The following SMAD2 variants were observed in gnomAD, a reference collection of about 807,000 sequenced individuals.
SMAD2 encodes SMAD family member 2.
Under a neutral mutation model 64.4 loss-of-function variants are expected in SMAD2, and 8 were observed. The ratio of observed to expected loss-of-function variants is 0.12; its 90% confidence interval spans 0.07 to 0.22. SMAD2 has a LOEUF of 0.22. Among genes scored for constraint, SMAD2 ranks in the 10% least tolerant of loss-of-function variants. The pLI is 1.00. For missense variants in SMAD2, 289 were observed against 561.2 expected, an observed-to-expected ratio of 0.51 and a Z score of 4.90; for synonymous variants, 203 against 195.8, an observed-to-expected ratio of 1.04 and a Z score of -0.31.
chr18:47,863,055 C>T (rs2031303763), intron 6 of SMAD2, among the ~76,000 whole-genome samples: 2 of 151,910 alleles, frequency 1.3e-5, no homozygotes, highest in South Asian at 4.1e-4. Context: ...AATTTATCCT[C>T]TGGTTGCCCT....
At position 47,868,391 on chromosome 18, in the gene SMAD2, T is replaced by C. The variant is rs2031718183; in HGVS notation, c.587A>G (p.Tyr196Cys). 5 of 1,609,602 alleles carry C rather than the reference T, an allele frequency of 3.1e-6. No homozygotes were observed. The highest frequency in any genetic ancestry group is 1.1e-5 in the South Asian group (1 of 90,978). ...ILTELPPLDD[Y>C]THSIPENTNF... ...AGTGTTTTCTGGAATGGAGTGAGTA[T>C]AGTCATCCAGAGGCGGAAGTTCTGT... Residue 196 changes from tyrosine to cysteine, a missense_variant, in exon 5 of 11, where the codon TAT becomes TGT. By Grantham distance (194) the Tyr-to-Cys change is radical. This residue lies in a region of SMAD2 where 119 missense variants were observed against 156.7 expected (regional missense o/e 0.76). Coordinates refer to ENST00000262160, the MANE Select transcript of SMAD2 (RefSeq NM_005901.6).
rs766585506 is a variant in SMAD2 at position 47,870,460 on chromosome 18, G to A, written c.326+15C>T. The A allele has an allele frequency of 6.3e-7, 1 of 1,580,776 alleles. No homozygotes were observed. Among genetic ancestry groups the A allele is most frequent in the Non-Finnish European group, 8.7e-7 (1 of 1,149,772 alleles). On this transcript the variant is annotated intron_variant, in intron 3 of 10. Coordinates refer to ENST00000262160, the MANE Select transcript of SMAD2 (RefSeq NM_005901.6). ...CACAAGATCTCTAAGATTCGACAGA[G>A]GGCAGAATATTCACCTGGTTTGTTC...
rs1277276283 is a variant in SMAD2, at chr18:47,819,375, C to T, written c.*22452G>A. ...GTCCTCTGAGTTACTGGCAAAATAC[C>T]TACATATTTCATTTTTATGGTTCTT... On this transcript the variant is annotated 3_prime_UTR_variant, in exon 11 of 11. Transcript: ENST00000262160. The T allele has an allele frequency of 6.6e-6, 1 of 152,110 alleles. No individual in the cohort carries two copies. The highest frequency in any genetic ancestry group is 2.4e-5 in the African/African-American group (1 of 41,410). 9.4% of individuals were successfully genotyped at this position (152,110 alleles called of 1,614,324 possible).
intron 6 of SMAD2, among the ~76,000 whole-genome samples, chr18:47,862,739 A>G (rs912161361): frequency 1.3e-5 from 2 of 152,240 alleles, no homozygotes; most frequent in Non-Finnish European, 2.9e-5. Context: ...TCTTGGACCA[A>G]GCACAGTGTA....
chr18:47,841,701 G>A lies in SMAD2; in HGVS notation c.*126C>T, dbSNP rs1364519937. The A allele has an allele frequency of 9.9e-7, 1 of 1,009,356 alleles. No homozygotes were observed. Among genetic ancestry groups the A allele is most frequent in the African/African-American group, 1.6e-5 (1 of 62,986 alleles). 62.5% of individuals were successfully genotyped at this position (1,009,356 alleles called of 1,614,324 possible). A position where few individuals can be genotyped will look rare whatever the true frequency, so the allele number is the denominator to read the frequency against. On this transcript the variant is annotated 3_prime_UTR_variant, in exon 11 of 11. Transcript: ENST00000262160. Reference sequence around the variant, plus strand: ...GATTCCACAAGGTGCTTTAATTGATGAGACCTCAAGTGCTGTTTTCTCTCT... The same window carrying A: ...GATTCCACAAGGTGCTTTAATTGATAAGACCTCAAGTGCTGTTTTCTCTCT...
At chr18:47,866,260 G>T (rs1039390156) in intron 5 of SMAD2, among the ~76,000 whole-genome samples, 2 of 126,052 alleles carry the variant, frequency 1.6e-5, no homozygotes, top group Admixed American at 9.5e-5. Flanking sequence ...AGGCTGCGGT[G>T]AGCCGAGATC....
chr18:47,897,319 GCAAA>G lies in SMAD2; in HGVS notation c.-53-514_-53-511del, dbSNP rs568200876. Among the ~76,000 whole-genome samples the G allele has an allele frequency of 3.0e-4, 45 of 152,310 alleles. No homozygotes were observed. The South Asian group carries it at 8.7e-3, about 29-fold the overall frequency. On this transcript the variant is annotated intron_variant, in intron 1 of 10. Transcript: ENST00000262160. ...AATCAAGAATAAAGAAATAAACATG[GCAAA>G]CAGAGTCCGTGGAGAAAAGCTGTAG...
intron 2 of SMAD2, among the ~76,000 whole-genome samples, chr18:47,888,559 C>T (rs1197519556): frequency 6.6e-6 from 1 of 152,166 alleles, no homozygotes; most frequent in East Asian, 1.9e-4. Context: ...AGCTTTCAAT[C>T]AAAATCCCTG....
intron 8 of SMAD2, among the ~76,000 whole-genome samples, chr18:47,847,995 T>C (rs1164313151): frequency 1.3e-5 from 2 of 152,148 alleles, no homozygotes; most frequent in South Asian, 2.1e-4. Flanking sequence ...TTTTGAACTA[T>C]ATTAAATGCA....
At position 47,816,477 on chromosome 18, in the gene SMAD2, A is replaced by C. The variant is rs982937623; in HGVS notation, c.*25350T>G. The C allele has an allele frequency of 1.3e-5, 2 of 152,216 alleles. No individual in the cohort carries two copies. The highest frequency in any genetic ancestry group is 1.3e-4 in the Admixed American group (2 of 15,282). 9.4% of individuals were successfully genotyped at this position (152,216 alleles called of 1,614,324 possible). ...TATTTTAATGTAATATTGCTGACTA[A>C]TTTGGCACATTTAATACACGTCCAA... On this transcript the variant is annotated 3_prime_UTR_variant, in exon 11 of 11. Coordinates refer to ENST00000262160, the MANE Select transcript of SMAD2 (RefSeq NM_005901.6).
intron 2 of SMAD2, among the ~76,000 whole-genome samples, chr18:47,886,636 T>G (rs927547997): frequency 6.6e-6 from 1 of 151,596 alleles, no homozygotes; most frequent in Admixed American, 6.6e-5. Context: ...TAAGCAAAGT[T>G]CTAAAAGACA....
intron 1 of SMAD2, among the ~76,000 whole-genome samples, chr18:47,915,954 T>C (rs2034318470): frequency 6.6e-6 from 1 of 152,224 alleles, no homozygotes; most frequent in Non-Finnish European, 1.5e-5. Context: ...TTGTATTCAT[T>C]TCCTAAGAAT....
intron 1 of SMAD2, among the ~76,000 whole-genome samples, chr18:47,903,876 T>TTG (rs1555660349): frequency 2.0e-5 from 1 of 49,066 alleles, no homozygotes; most frequent in African/African-American, 8.2e-5. Flanking sequence ...AAAAACAGTG[T>TTG]GGGGGGGGGG....
chr18:47,905,675 A>G (rs893634757), intron 1 of SMAD2, among the ~76,000 whole-genome samples: 4 of 152,232 alleles, frequency 2.6e-5, no homozygotes, highest in African/African-American at 7.2e-5. Flanking sequence ...CTAGTTTTCA[A>G]CAACTTTTCA....
At position 47,837,071 on chromosome 18, in the gene SMAD2, TTAAACA is replaced by T. The variant is rs778319044; in HGVS notation, c.*4750_*4755del. ...GCAACTGTCAGAAAAGTTCATAATCTTAAACATAATTTATGCCATTTGCCAGTCACA... is the reference window on the plus strand; with the variant it reads ...GCAACTGTCAGAAAAGTTCATAATCTTAATTTATGCCATTTGCCAGTCACA... On this transcript the variant is annotated 3_prime_UTR_variant, in exon 11 of 11. Transcript: ENST00000262160. 45 of 204,070 alleles carry T rather than the reference TTAAACA, an allele frequency of 2.2e-4. No individual in the cohort carries two copies. Among genetic ancestry groups the T allele is most frequent in the Non-Finnish European group, 9.0e-5 (9 of 99,470 alleles). The allele number at this position is 204,070 out of a possible 1,614,324, so 12.6% of individuals were successfully genotyped here.
intron 1 of SMAD2, among the ~76,000 whole-genome samples, chr18:47,903,615 G>A (rs1378398795): frequency 6.6e-6 from 1 of 151,958 alleles, no homozygotes; most frequent in African/African-American, 2.4e-5. Flanking sequence ...GTAGCAAACA[G>A]TCAAAACATG....
In SMAD2 at chr18:47,859,170, T is replaced by C. The variant is rs145003600; in HGVS notation, c.730+5889A>G. 7.4e-3 allele frequency among the ~76,000 whole-genome samples: 1,123 copies of C among 152,184 alleles called. 9 individuals carry two copies. The highest frequency in any genetic ancestry group is 0.025 in the African/African-American group (1,058 of 41,544). On this transcript the variant is annotated intron_variant, in intron 6 of 10. Transcript: ENST00000262160. ...ATAATTCCAAATGTGTATCATCTAA[T>C]AACAGAGGTTAAAGACACACGAAGC...
intron 6 of SMAD2, among the ~76,000 whole-genome samples, chr18:47,864,806 T>C (rs1286730949): frequency 6.6e-6 from 1 of 152,140 alleles, no homozygotes; most frequent in Non-Finnish European, 1.5e-5. Flanking sequence ...TAAAAGTATG[T>C]GCATGTTTTC....
chr18:47,871,445 G>C (rs959037420), intron 2 of SMAD2, among the ~76,000 whole-genome samples: 9 of 152,156 alleles, frequency 5.9e-5, no homozygotes, highest in African/African-American at 2.2e-4. Context: ...GAGCTTAACT[G>C]GATCAACAGT....
Sources: gnomAD v4.1 joint callset for allele counts (sites outside exome capture counted in the v4.1 genomes callset) on GRCh38, gnomAD v4.1.1 for gene constraint, gnomAD v4.1.1 regional missense constraint, MANE v1.5 for transcripts, NCBI Gene and HGNC (gene_info 2026-07-23, HGNC 2026-07-21) for gene names.